The following SHANK2 variants were observed in gnomAD, a reference collection of about 807,000 sequenced individuals.
SHANK2 encodes SH3 and multiple ankyrin repeat domains protein 2.
In SHANK2, 43 loss-of-function variants were observed where a neutral mutation model predicts 133.7. That is an observed-to-expected ratio of 0.32 (90% CI 0.25 to 0.41). The LOEUF (loss-of-function observed/expected upper bound fraction) is 0.41. Among genes scored for constraint, SHANK2 ranks in the 10% least tolerant of loss-of-function variants. The probability of loss-of-function intolerance (pLI) is 1.00; values close to 1 mark genes in which losing one functional copy is unlikely to be tolerated. For synonymous variants in SHANK2, 1,017 were observed against 952.8 expected (o/e 1.07, Z -1.24); for missense variants, 1,994 against 2,235.8 (o/e 0.89, Z 2.18).
intron 10 of SHANK2, among the ~76,000 whole-genome samples, chr11:70,925,979 T>C (rs1341381963): frequency 6.6e-6 from 1 of 152,168 alleles, no homozygotes; most frequent in Non-Finnish European, 1.5e-5. Flanking sequence ...TGTTGACTCA[T>C]TAACATTGTA....
At chr11:70,504,999 G>C (rs1323273622) in intron 17 of SHANK2, among the ~76,000 whole-genome samples, 3 of 152,190 alleles carry the variant, frequency 2.0e-5, no homozygotes, top group African/African-American at 7.2e-5. Context: ...AGGCAGTTCA[G>C]CTGTCTCTGC....
intron 2 of SHANK2, among the ~76,000 whole-genome samples, chr11:71,178,610 A>T (rs1443587284): frequency 2.0e-5 from 3 of 152,238 alleles, no homozygotes; most frequent in Non-Finnish European, 4.4e-5. Flanking sequence ...ACAACAATTT[A>T]AAAAGTCTTT....
intron 17 of SHANK2, among the ~76,000 whole-genome samples, chr11:70,553,557 AC>A (rs782075419): frequency 6.6e-6 from 1 of 152,104 alleles, no homozygotes; most frequent in Non-Finnish European, 1.5e-5. Flanking sequence ...TCCTGTCCTG[AC>A]AGCTCAGTCA....
At position 70,521,868 on chromosome 11, in the gene SHANK2, G is replaced by C. The variant is rs547017185; in HGVS notation, c.2062-18937C>G. Among the ~76,000 whole-genome samples, 51 of 152,344 alleles carry C rather than the reference G, an allele frequency of 3.3e-4. No homozygotes were observed. The East Asian group carries it at 5.0e-3, about 15-fold the overall frequency. ...CACCTGACTGCAGCCACATGTCCTCGCTGCAAGGCTGTTACGCGGCACACA... is the reference window on the plus strand; with the variant it reads ...CACCTGACTGCAGCCACATGTCCTCCCTGCAAGGCTGTTACGCGGCACACA... On this transcript the variant is annotated intron_variant, in intron 17 of 25. Coordinates refer to ENST00000601538, the MANE Select transcript of SHANK2 (RefSeq NM_012309.5).
At chr11:70,772,173 C>T (rs1192891761) in intron 14 of SHANK2, among the ~76,000 whole-genome samples, 1 of 152,050 alleles carries the variant, frequency 6.6e-6, no homozygotes, top group Non-Finnish European at 1.5e-5. Flanking sequence ...GGTGTGGTGC[C>T]TCACGCCTGA....
In SHANK2 at chr11:70,937,791, G is replaced by A. The variant is rs376258916; in HGVS notation, c.1108-41224C>T. Among the ~76,000 whole-genome samples, 88 of 151,932 alleles carry A rather than the reference G, an allele frequency of 5.8e-4. 1 individual carries two copies. In the East Asian group the frequency reaches 6.2e-3, roughly 11 times the overall value. ...TGTTGTCCCTGTTTACTCAGGAACC[G>A]CTTATTGTTGAGGAACACAAATCCA... On this transcript the variant is annotated intron_variant, in intron 10 of 25. Coordinates refer to ENST00000601538, the MANE Select transcript of SHANK2 (RefSeq NM_012309.5).
chr11:71,154,119 T>C (rs1208855904), intron 2 of SHANK2, among the ~76,000 whole-genome samples: 1 of 152,348 alleles, frequency 6.6e-6, no homozygotes, highest in East Asian at 1.9e-4. Context: ...CGAGATTTTG[T>C]GACTACACAT....
chr11:70,695,436 A>G (rs1668217969), intron 15 of SHANK2, among the ~76,000 whole-genome samples: 1 of 152,216 alleles, frequency 6.6e-6, no homozygotes, highest in African/African-American at 2.4e-5. Context: ...AAGAAGCCAG[A>G]CACAAAAGAC....
At chr11:71,205,139 C>T (rs534541908) in intron 2 of SHANK2, among the ~76,000 whole-genome samples, 7 of 152,324 alleles carry the variant, frequency 4.6e-5, no homozygotes, top group Admixed American at 1.3e-4. Context: ...TAATGAGCTA[C>T]TCAGACCCAA....
chr11:71,094,854 C>T (rs556795439), intron 6 of SHANK2, among the ~76,000 whole-genome samples, 166 bp from the exon 7 acceptor site: 22 of 152,376 alleles, frequency 1.4e-4, no homozygotes, highest in South Asian at 4.1e-4. Context: ...AGGCGGGCAG[C>T]GTGGCTCAGG....
chr11:70,552,466 C>G (rs1298223414), intron 17 of SHANK2, among the ~76,000 whole-genome samples: 2 of 152,228 alleles, frequency 1.3e-5, no homozygotes, highest in African/African-American at 4.8e-5. Flanking sequence ...TTGACAACAA[C>G]TGAAAAATTA....
intron 17 of SHANK2, among the ~76,000 whole-genome samples, chr11:70,516,519 A>G (rs1016927490): frequency 1.2e-4 from 18 of 152,258 alleles, no homozygotes; most frequent in African/African-American, 3.9e-4. Flanking sequence ...CTTCTAGAAG[A>G]TAAGAGAAGA....
In SHANK2 at chr11:70,599,709, T is replaced by C. The variant is rs1231760252; in HGVS notation, c.2061+60119A>G. ...CAGGAGGCTAAGGCAGGAGAATTGT[T>C]TGAACCTGGGAGGAAGAGGTTGCAG... On this transcript the variant is annotated intron_variant, in intron 17 of 25. Transcript: ENST00000601538. Among the ~76,000 whole-genome samples, 6 of 149,892 alleles carry C rather than the reference T, an allele frequency of 4.0e-5. No homozygotes were observed. In the East Asian group the frequency reaches 1.2e-3, roughly 29 times the overall value.
intron 10 of SHANK2, among the ~76,000 whole-genome samples, chr11:70,897,454 A>G (rs1251959678): frequency 6.6e-6 from 1 of 152,378 alleles, no homozygotes; most frequent in Non-Finnish European, 1.5e-5. Flanking sequence ...TTCCTATGGA[A>G]GAAGTCTTTC....
At chr11:71,079,219 C>T (rs1951259407) in intron 8 of SHANK2, among the ~76,000 whole-genome samples, 1 of 152,218 alleles carries the variant, frequency 6.6e-6, no homozygotes, top group African/African-American at 2.4e-5. Context: ...GCAAACCCAA[C>T]AAAATGACCG....
Position 70,914,571 on chromosome 11 carries a change from G to A in SHANK2, c.1108-18004C>T, listed in dbSNP as rs148519010. ...GGTAGCTCACACCTGCAATCCCAGT[G>A]CTTTGGGAGGCCAAGATGGGAGGAT... On this transcript the variant is annotated intron_variant, in intron 10 of 25. Transcript: ENST00000601538. Among the ~76,000 whole-genome samples, 181 of 151,786 alleles carry A rather than the reference G, an allele frequency of 1.2e-3. 2 individuals are homozygous for A. Among genetic ancestry groups the A allele is most frequent in the African/African-American group, 4.2e-3 (173 of 41,336 alleles).
At position 70,930,669 on chromosome 11, in the gene SHANK2, T is replaced by C. The variant is rs545924445; in HGVS notation, c.1108-34102A>G. Among the ~76,000 whole-genome samples, 150 of 120,434 alleles carry C rather than the reference T, an allele frequency of 1.2e-3. 4 individuals are homozygous for C. The South Asian group carries it at 0.039, about 32-fold the overall frequency. 79.0% of individuals were successfully genotyped at this position (120,434 alleles called of 152,430 possible). A position where few individuals can be genotyped will look rare whatever the true frequency, so the allele number is the denominator to read the frequency against. The stretch of plus-strand genomic sequence containing the variant: ...TTTTTATTTCTTTGTCTTTTTTTTT[T>C]CTTTTTTTTTTTGAGACAATGTCTC... On this transcript the variant is annotated intron_variant, in intron 10 of 25. Coordinates refer to ENST00000601538, the MANE Select transcript of SHANK2 (RefSeq NM_012309.5).
At chr11:70,838,815 T>C (rs1555060746) in intron 11 of SHANK2, among the ~76,000 whole-genome samples, 1 of 152,184 alleles carries the variant, frequency 6.6e-6, no homozygotes, top group East Asian at 1.9e-4. Context: ...TTCTATTGAC[T>C]TCCAGTCTCT....
chr11:70,878,645 G>A (rs1023890680), intron 11 of SHANK2, among the ~76,000 whole-genome samples: 2 of 152,150 alleles, frequency 1.3e-5, no homozygotes, highest in Admixed American at 6.5e-5. Flanking sequence ...GCAGAGGACT[G>A]GAATGGGATC....
Sources: gnomAD v4.1 joint callset for allele counts (sites outside exome capture counted in the v4.1 genomes callset) on GRCh38, gnomAD v4.1.1 for gene constraint, MANE v1.5 for transcripts, NCBI Gene and HGNC (gene_info 2026-07-23, HGNC 2026-07-21) for gene names.